The following ADGRF5 variants were observed in gnomAD, a reference collection of about 807,000 sequenced individuals.
ADGRF5 encodes the protein G-protein coupled receptor 116.
Under a neutral mutation model 132.3 loss-of-function variants are expected in ADGRF5, and 75 were observed. That is an observed-to-expected ratio of 0.57 (90% CI 0.47 to 0.69). The LOEUF is 0.69. Ranked by LOEUF, ADGRF5 falls within the 30% of genes least tolerant of loss-of-function variation. The pLI is 0.00. For synonymous variants in ADGRF5, 629 were observed against 597.6 expected (o/e 1.05, Z -0.77); for missense variants, 1,516 against 1,630.6 (o/e 0.93, Z 1.21).
rs1770519795 is a variant in ADGRF5 at position 46,866,961 on chromosome 6, C to T, written c.1798G>A (p.Val600Ile). Reference protein sequence around the residue: ...CCIEEDGDYKVTFHTGSSSLP... With the variant: ...CCIEEDGDYKITFHTGSSSLP... ...GATGAGGAACCCGTATGGAAAGTAA[C>T]TTTGTAGTCTCCATCCTCCTCTATG... Residue 600 changes from valine (V) to isoleucine (I), a missense_variant, in exon 13 of 21, where the codon GTT becomes ATT. Physicochemically the swap from Val to Ile is conservative, Grantham distance 29. Around this residue, in one of 2 missense-constraint regions of ADGRF5, gnomAD observed 945 missense variants for 929.4 expected, o/e 1.02. Transcript: ENST00000283296. The T allele has an allele frequency of 6.2e-7, 1 of 1,613,056 alleles. No individual in the cohort carries two copies. Among genetic ancestry groups the T allele is most frequent in the Non-Finnish European group, 8.5e-7 (1 of 1,179,018 alleles).
chr6:46,900,377 G>A lies in ADGRF5; in HGVS notation c.103-294C>T, dbSNP rs1009284079. 3.9e-5 allele frequency among the ~76,000 whole-genome samples: 6 copies of A among 152,032 alleles called. No homozygotes were observed. In the East Asian group the frequency reaches 5.8e-4, roughly 15 times the overall value. On this transcript the variant is annotated intron_variant, in intron 2 of 20. Transcript: ENST00000283296. ...TCAGAGTTCCTGCAGTTTGAATCCC[G>A]TCAAAAATATAAATTATTATAATGT...
chr6:46,947,818 C>T (rs937057967), intron 1 of ADGRF5, among the ~76,000 whole-genome samples: 10 of 152,202 alleles, frequency 6.6e-5, no homozygotes, highest in Admixed American at 2.6e-4. Context: ...CCTGAATCTG[C>T]GGACCTTGGA....
chr6:46,883,708 C>G, intron 5 of ADGRF5, 43 bp from the exon 6 acceptor site: 1 of 1,023,144 alleles, frequency 9.8e-7, no homozygotes, highest in Non-Finnish European at 1.5e-6. Flanking sequence ...ATGTTAATGT[C>G]TGAGTATATA....
intron 10 of ADGRF5, among the ~76,000 whole-genome samples, chr6:46,877,225 C>CTT (rs1554200284): frequency 5.8e-4 from 76 of 131,764 alleles, no homozygotes; most frequent in South Asian, 1.1e-3. Flanking sequence ...TTTATTTCCT[C>CTT]TCTTTCTTTC....
In ADGRF5 at chr6:46,860,835, A is replaced by G; in HGVS notation, c.2259T>C (p.Ser753=). ...CATGTTCCGCTTTGTCTATGCTAAT[A>G]GAAAGATCCTTCAGGTATGTAGGGA... The part of the protein sequence containing the change: ...EMLPTYLKDL[S]ISIDKAEHEI... Residue 753 remains serine (S), a synonymous_variant, in exon 16 of 21, where the codon TCT becomes TCC. Coordinates refer to ENST00000283296, the MANE Select transcript of ADGRF5 (RefSeq NM_001098518.2). 6.2e-7 allele frequency: 1 copy of G among 1,613,934 alleles called. No individual in the cohort carries two copies. The highest frequency in any genetic ancestry group is 8.5e-7 in the Non-Finnish European group (1 of 1,179,796).
intron 1 of ADGRF5, among the ~76,000 whole-genome samples, chr6:46,928,791 G>A (rs1328318222): frequency 6.6e-6 from 1 of 152,118 alleles, no homozygotes; most frequent in Non-Finnish European, 1.5e-5. Flanking sequence ...ACCACAATGA[G>A]ATACCATCTC....
intron 4 of ADGRF5, among the ~76,000 whole-genome samples, chr6:46,886,179 G>C (rs1773052543): frequency 6.6e-6 from 1 of 152,228 alleles, no homozygotes; most frequent in Non-Finnish European, 1.5e-5. Context: ...AAGTCCCACA[G>C]AGTGACTATC....
intron 11 of ADGRF5, among the ~76,000 whole-genome samples, chr6:46,869,780 A>G (rs1421916983): frequency 6.6e-6 from 1 of 152,256 alleles, no homozygotes; most frequent in Non-Finnish European, 1.5e-5. Context: ...CTAACCTAAT[A>G]ATTACACCTG....
chr6:46,930,024 T>C (rs1457930836), intron 1 of ADGRF5, among the ~76,000 whole-genome samples: 1 of 152,058 alleles, frequency 6.6e-6, no homozygotes, highest in Admixed American at 6.6e-5. Context: ...TTTCACTATG[T>C]TGACCAGGCT....
At chr6:46,876,605 T>C (rs535081869) in intron 10 of ADGRF5, among the ~76,000 whole-genome samples, 45 of 152,282 alleles carry the variant, frequency 3.0e-4, no homozygotes, top group Middle Eastern at 3.4e-3. Flanking sequence ...TGATAGTTTT[T>C]GTTGTTGTTG....
At chr6:46,933,824 C>T (rs368926694) in intron 1 of ADGRF5, among the ~76,000 whole-genome samples, 46 of 152,316 alleles carry the variant, frequency 3.0e-4, no homozygotes, top group African/African-American at 1.1e-3. Context: ...GTCTTCCTCT[C>T]AGGACCACTA....
rs61302381 is a variant in ADGRF5, at chr6:46,953,651, GTATATATATATATA to G, written c.-25+1069_-25+1082del. Among the ~76,000 whole-genome samples, 221 of 42,188 alleles carry G rather than the reference GTATATATATATATA, an allele frequency of 5.2e-3. 7 individuals are homozygous for G. The East Asian group carries it at 0.11, about 21-fold the overall frequency. 27.7% of individuals were successfully genotyped at this position (42,188 alleles called of 152,430 possible). A position where few individuals can be genotyped will look rare whatever the true frequency, so the allele number is the denominator to read the frequency against. The stretch of plus-strand genomic sequence containing the variant: ...AAATTATATATATATAGATATATGT[GTATATATATATATA>G]TATATATATATATATATATATATAT... On this transcript the variant is annotated intron_variant, in intron 1 of 20. Transcript: ENST00000265417.
intron 1 of ADGRF5, among the ~76,000 whole-genome samples, chr6:46,919,055 T>C (rs1182367262): frequency 6.6e-6 from 1 of 152,212 alleles, no homozygotes; most frequent in East Asian, 1.9e-4. Flanking sequence ...TTTGTTAAGT[T>C]CCTAGGGTGA....
chr6:46,886,406 T>C (rs541436644), intron 4 of ADGRF5, among the ~76,000 whole-genome samples: 42 of 152,232 alleles, frequency 2.8e-4, no homozygotes, highest in Admixed American at 4.6e-4. Context: ...GAAATCTCTC[T>C]TACTGACATG....
At chr6:46,940,295 T>G (rs2150942606) in intron 1 of ADGRF5, among the ~76,000 whole-genome samples, 1 of 152,308 alleles carries the variant, frequency 6.6e-6, no homozygotes, top group South Asian at 2.1e-4. Flanking sequence ...CTTCTAAATA[T>G]TTGTTTTGAG....
intron 2 of ADGRF5, among the ~76,000 whole-genome samples, chr6:46,900,607 TGTA>T (rs1159759694): frequency 6.6e-6 from 1 of 152,196 alleles, no homozygotes; most frequent in Non-Finnish European, 1.5e-5. Flanking sequence ...TGCTGGTTTC[TGTA>T]GTAGGAACTA....
At chr6:46,912,951 A>G (rs1776087574) in intron 1 of ADGRF5, among the ~76,000 whole-genome samples, 1 of 152,212 alleles carries the variant, frequency 6.6e-6, no homozygotes, top group African/African-American at 2.4e-5. Flanking sequence ...TAAAATCCCC[A>G]GCAAGACTGT....
Position 46,920,522 on chromosome 6 carries a change from T to C in ADGRF5, c.-25+1191A>G, listed in dbSNP as rs1173794339. ...ACACAGAAAACAATTGATAGAATAATATTTGGGGGGGGGGAAGAGAGTGTA... is the reference window on the plus strand; with the variant it reads ...ACACAGAAAACAATTGATAGAATAACATTTGGGGGGGGGGAAGAGAGTGTA... On this transcript the variant is annotated intron_variant, in intron 1 of 20. Coordinates refer to ENST00000283296, the MANE Select transcript of ADGRF5 (RefSeq NM_001098518.2). 1.3e-3 allele frequency among the ~76,000 whole-genome samples: 52 copies of C among 38,908 alleles called. 1 individual carries two copies. Among genetic ancestry groups the C allele is most frequent in the Non-Finnish European group, 1.6e-4 (3 of 19,148 alleles). The allele number at this position is 38,908 out of a possible 152,430, so 25.5% of individuals were successfully genotyped here.
chr6:46,862,988 A>G lies in ADGRF5; in HGVS notation c.2099T>C (p.Ile700Thr), dbSNP rs147975526. ...ACATTTGTAAGTGATGGTCCCGCCA[A>G]TGGGACTCTCAGGGCTGCTGGGAAC... ...SNVPSSPESP[I>T]GGTITYKCVG... Residue 700 changes from isoleucine to threonine, a missense_variant, in exon 15 of 21, where the codon ATT becomes ACT. Around this residue, in one of 2 missense-constraint regions of ADGRF5, gnomAD observed 945 missense variants for 929.4 expected, o/e 1.02. Coordinates refer to ENST00000283296, the MANE Select transcript of ADGRF5 (RefSeq NM_001098518.2). 5.3e-5 allele frequency: 85 copies of G among 1,613,202 alleles called. No individual in the cohort carries two copies. Among genetic ancestry groups the G allele is most frequent in the African/African-American group, 3.2e-4 (24 of 74,836 alleles).
Sources: gnomAD v4.1 joint callset for allele counts (sites outside exome capture counted in the v4.1 genomes callset) on GRCh38, gnomAD v4.1.1 for gene constraint, gnomAD v4.1.1 regional missense constraint, MANE v1.5 for transcripts, NCBI Gene and HGNC (gene_info 2026-07-23, HGNC 2026-07-21) for gene names.